SAMD4A: variants seen among roughly 807,000 people sequenced by gnomAD.
SAMD4A encodes sterile alpha motif domain containing 4A.
In SAMD4A, 33 loss-of-function variants were observed where a neutral mutation model predicts 81.3. The ratio of observed to expected loss-of-function variants is 0.41; its 90% CI spans 0.31 to 0.54. SAMD4A has a LOEUF of 0.54. Among genes scored for constraint, SAMD4A ranks in the 20% least tolerant of loss-of-function variants. The pLI is 0.37. For synonymous variants in SAMD4A, 389 were observed against 382.1 expected, an observed-to-expected ratio of 1.02 and a Z score of -0.21; for missense variants, 854 against 951.1, an observed-to-expected ratio of 0.90 and a Z score of 1.34.
At chr14:54,591,587 C>T (rs1245910699) in intron 2 of SAMD4A, among the ~76,000 whole-genome samples, 4 of 150,576 alleles carry the variant, frequency 2.7e-5, no homozygotes, top group African/African-American at 9.8e-5. Context: ...CCCATGTTGG[C>T]ATCATTACTT....
chr14:54,569,581 A>G (rs752890622), intron 2 of SAMD4A, among the ~76,000 whole-genome samples: 10 of 152,222 alleles, frequency 6.6e-5, no homozygotes, highest in African/African-American at 1.2e-4. Flanking sequence ...CTGGAGGGCC[A>G]GCCTCCTTCA....
chr14:54,688,183 A>G lies in SAMD4A; in HGVS notation c.197-13879A>G, dbSNP rs1333630499. 7 of 985,328 alleles carry G rather than the reference A, an allele frequency of 7.1e-6. No individual in the cohort carries two copies. The Admixed American group carries it at 1.8e-4, about 26-fold the overall frequency. The allele number at this position is 985,328 out of a possible 1,614,324, so 61.0% of individuals were successfully genotyped here. A position where few individuals can be genotyped will look rare whatever the true frequency, so the allele number is the denominator to read the frequency against. ...TCACCCCTAAACTCAGCAAAATATTATGGTCCTCTAATCAAGAGAATTTTG... is the reference window on the plus strand; with the variant it reads ...TCACCCCTAAACTCAGCAAAATATTGTGGTCCTCTAATCAAGAGAATTTTG... On this transcript the variant is annotated intron_variant, in intron 2 of 12. Transcript: ENST00000554335.
At chr14:54,643,644 T>C (rs2035222321) in intron 2 of SAMD4A, among the ~76,000 whole-genome samples, 2 of 152,254 alleles carry the variant, frequency 1.3e-5, no homozygotes, top group South Asian at 4.1e-4. Flanking sequence ...CTTTGAAGTT[T>C]TGCGGTGTTA....
At chr14:54,575,288 T>G (rs556633796) in intron 2 of SAMD4A, among the ~76,000 whole-genome samples, 16 of 152,266 alleles carry the variant, frequency 1.1e-4, no homozygotes, top group African/African-American at 3.9e-4. Context: ...CGATGCTCTT[T>G]CTCCTGTCTC....
At chr14:54,756,617 G>A (rs899148313) in intron 6 of SAMD4A, among the ~76,000 whole-genome samples, 1 of 152,242 alleles carries the variant, frequency 6.6e-6, no homozygotes, top group African/African-American at 2.4e-5. Flanking sequence ...GAGGAGGAAA[G>A]AATGGATGCG....
At chr14:54,700,588 T>C (rs572971781) in intron 2 of SAMD4A, among the ~76,000 whole-genome samples, 33 of 152,302 alleles carry the variant, frequency 2.2e-4, no homozygotes, top group African/African-American at 7.2e-4. Flanking sequence ...CTTCTAGATA[T>C]GGCATAAAAA....
At chr14:54,765,459 C>CGAA (rs2038512420) in intron 8 of SAMD4A, among the ~76,000 whole-genome samples, 1 of 97,574 alleles carries the variant, frequency 1.0e-5, no homozygotes, top group Non-Finnish European at 1.9e-5. Flanking sequence ...CCTGTCACTA[C>CGAA]GAAAAAAAAA....
chr14:54,737,387 C>T, intron 4 of SAMD4A, 100 bp downstream of exon 4: 1 of 1,376,492 alleles, frequency 7.3e-7, no homozygotes, highest in Non-Finnish European at 1.0e-6. Flanking sequence ...AGAAGGAGCC[C>T]ACCCCTTCCC....
chr14:54,679,398 A>G (rs1425659471), intron 2 of SAMD4A, among the ~76,000 whole-genome samples: 1 of 152,252 alleles, frequency 6.6e-6, no homozygotes, highest in Non-Finnish European at 1.5e-5. Flanking sequence ...TATGAAAAAC[A>G]GTCTAGTCTT....
intron 3 of SAMD4A, among the ~76,000 whole-genome samples, chr14:54,720,709 T>G (rs1408618202): frequency 6.6e-6 from 1 of 152,072 alleles, no homozygotes; most frequent in Non-Finnish European, 1.5e-5. Flanking sequence ...CTAACAAACC[T>G]ATTTTTTTTT....
At chr14:54,661,492 C>G (rs1339655322) in intron 2 of SAMD4A, among the ~76,000 whole-genome samples, 3 of 152,202 alleles carry the variant, frequency 2.0e-5, no homozygotes, top group South Asian at 2.1e-4. Flanking sequence ...CTTGAGGAAT[C>G]TGCTATTCCA....
intron 3 of SAMD4A, chr14:54,703,877 A>G (rs965577392): frequency 3.9e-5 from 6 of 152,154 alleles, no homozygotes; most frequent in African/African-American, 1.4e-4. Context: ...GAGAAAAAAA[A>G]AAGAAAAAGA....
At chr14:54,600,919 G>A (rs7155636) in intron 2 of SAMD4A, among the ~76,000 whole-genome samples, 39,746 of 152,062 alleles carry the variant, frequency 0.26, 5,415 homozygotes, top group Admixed American at 0.34. Context: ...GACTACATCA[G>A]CTCAGCTATG....
chr14:54,601,560 A>G (rs938125481), intron 2 of SAMD4A, among the ~76,000 whole-genome samples: 15 of 152,224 alleles, frequency 9.9e-5, no homozygotes, highest in African/African-American at 3.4e-4. Context: ...TTTAAAGCCT[A>G]AAGTTTTGAT....
At chr14:54,681,748 T>A in intron 2 of SAMD4A, 2 of 981,266 alleles carry the variant, frequency 2.0e-6, no homozygotes, top group Non-Finnish European at 2.4e-6. Context: ...AAAACTTTTT[T>A]ATTTTAATTA....
chr14:54,641,743 C>T (rs771805322), intron 2 of SAMD4A, among the ~76,000 whole-genome samples: 7 of 152,138 alleles, frequency 4.6e-5, no homozygotes, highest in Non-Finnish European at 8.8e-5. Context: ...TGTGGAGAAT[C>T]AGTGACCTTT....
intron 12 of SAMD4A, among the ~76,000 whole-genome samples, chr14:54,785,033 A>C (rs7149244): frequency 0.032 from 4,862 of 152,318 alleles, 261 homozygotes; most frequent in African/African-American, 0.11. Flanking sequence ...TCTCTGCACT[A>C]GATCCCCCAG....
chr14:54,762,954 A>G (rs557373621), intron 7 of SAMD4A, among the ~76,000 whole-genome samples: 20 of 151,260 alleles, frequency 1.3e-4, no homozygotes, highest in Non-Finnish European at 2.4e-4. Flanking sequence ...TCCCAGGTTC[A>G]TGCCATTCTC....
At chr14:54,691,691 C>A (rs1447274885) in intron 2 of SAMD4A, among the ~76,000 whole-genome samples, 1 of 152,092 alleles carries the variant, frequency 6.6e-6, no homozygotes, top group African/African-American at 2.4e-5. Flanking sequence ...GCAGAAATTC[C>A]CAGCATTGGC....
Sources: gnomAD v4.1 joint callset for allele counts (sites outside exome capture counted in the v4.1 genomes callset) on GRCh38, gnomAD v4.1.1 for gene constraint, MANE v1.5 for transcripts, NCBI Gene and HGNC (gene_info 2026-07-23, HGNC 2026-07-21) for gene names.